Variants in BARD1 observed in about 807,000 individuals in gnomAD.
BARD1 encodes the protein BRCA1-associated RING domain protein 1.
BARD1 carries 73 observed loss-of-function variants against 77.0 expected under a neutral mutation model. The ratio of observed to expected loss-of-function variants is 0.95; its 90% confidence interval spans 0.79 to 1.15. BARD1 has a LOEUF of 1.15. Among genes scored for constraint, BARD1 ranks in the 50% most tolerant of loss-of-function variants. The probability of loss-of-function intolerance (pLI) is 0.00; values close to 1 mark genes in which losing one functional copy is unlikely to be tolerated. For missense variants in BARD1, 993 were observed against 938.8 expected (o/e 1.06, Z -0.75); for synonymous variants, 384 against 338.0 (o/e 1.14, Z -1.49).
intron 10 of BARD1, 41 bp downstream of exon 10, chr2:214,730,370 T>C: frequency 2.0e-6 from 3 of 1,530,584 alleles, no homozygotes; most frequent in Middle Eastern, 1.7e-4. Flanking sequence ...TAATAGTATG[T>C]CATAATAAGA....
chr2:214,745,265 T>C, intron 8 of BARD1, 106 bp from the exon 9 acceptor site: 1 of 978,952 alleles, frequency 1.0e-6, no homozygotes, highest in Non-Finnish European at 1.6e-6. Context: ...TATCTGAATC[T>C]TCAAAGGCAA....
intron 2 of BARD1, 116 bp from the exon 3 acceptor site, chr2:214,792,561 T>G: frequency 1.0e-6 from 1 of 955,262 alleles, no homozygotes; most frequent in Non-Finnish European, 1.5e-6. Context: ...CATACAATGG[T>G]CAATTGTAAT....
At chr2:214,762,814 G>C (rs1694021806) in intron 6 of BARD1, among the ~76,000 whole-genome samples, 1 of 152,054 alleles carries the variant, frequency 6.6e-6, no homozygotes, top group Non-Finnish European at 1.5e-5. Context: ...TGGTATTTTT[G>C]AAACAGTACA....
Position 214,801,855 on chromosome 2 carries a change from G to GA in BARD1, c.159-4739_159-4738insT, listed in dbSNP as rs925630376. 4.0e-5 allele frequency among the ~76,000 whole-genome samples: 6 copies of GA among 149,262 alleles called. No homozygotes were observed. The South Asian group carries it at 6.6e-4, about 16-fold the overall frequency. On this transcript the variant is annotated intron_variant, in intron 1 of 10. Coordinates refer to ENST00000260947, the MANE Select transcript of BARD1 (RefSeq NM_000465.4). ...TTGAAAACCAAATATTTGGCGGGGG[G>GA]GGGGGTTGTTTTTGTTTTTTTTAAA...
chr2:214,745,382 T>C (rs1436916903), intron 8 of BARD1, among the ~76,000 whole-genome samples: 2 of 152,368 alleles, frequency 1.3e-5, no homozygotes, highest in Non-Finnish European at 2.9e-5. Flanking sequence ...TAAAGCCATA[T>C]TGGCAAACAC....
intron 9 of BARD1, among the ~76,000 whole-genome samples, chr2:214,744,610 C>A (rs958339337): frequency 1.3e-5 from 2 of 152,038 alleles, no homozygotes; most frequent in African/African-American, 4.8e-5. Context: ...CTAAATGACA[C>A]CATAAATATG....
chr2:214,801,369 G>A (rs1048158540), intron 1 of BARD1, among the ~76,000 whole-genome samples: 2 of 152,066 alleles, frequency 1.3e-5, no homozygotes, highest in African/African-American at 4.8e-5. Context: ...ACAAGAAACT[G>A]ATAATTATAA....
At position 214,745,708 on chromosome 2, in the gene BARD1, T is replaced by C. The variant is rs1693071202; in HGVS notation, c.1810+14A>G. 1 of 1,613,972 alleles carries C rather than the reference T, an allele frequency of 6.2e-7. No individual in the cohort carries two copies. The highest frequency in any genetic ancestry group is 8.5e-7 in the Non-Finnish European group (1 of 1,179,906). ...ATTTTTTCTACCCCACCTCCCAAAATTCAAAATCCTCACCTGTACTGTCAA... is the reference window on the plus strand; with the variant it reads ...ATTTTTTCTACCCCACCTCCCAAAACTCAAAATCCTCACCTGTACTGTCAA... On this transcript the variant is annotated intron_variant, in intron 8 of 10. Coordinates refer to ENST00000260947, the MANE Select transcript of BARD1 (RefSeq NM_000465.4).
intron 6 of BARD1, among the ~76,000 whole-genome samples, chr2:214,767,186 T>C (rs1694242182): frequency 6.6e-6 from 1 of 152,222 alleles, no homozygotes. Flanking sequence ...TAGTATTCCA[T>C]GGTATATATG....
At position 214,781,275 on chromosome 2, in the gene BARD1, G is replaced by A. The variant is rs1254403542; in HGVS notation, c.599C>T (p.Ala200Val). 1.9e-6 allele frequency: 3 copies of A among 1,599,924 alleles called. No homozygotes were observed. The highest frequency in any genetic ancestry group is 2.5e-6 in the Non-Finnish European group (3 of 1,176,590). The change falls in exon 4 of 11, where the codon GCA becomes GTA. Residue 200 changes from alanine to valine, a missense_variant. Physicochemically the swap from Ala to Val is moderately conservative, Grantham distance 64. Transcript: ENST00000260947. ...DVSERAKKASARSGKKQKKKT... is the reference protein window; with the variant it reads ...DVSERAKKASVRSGKKQKKKT... ...CTTTTTTTGCTTTTTTCCAGATCTT[G>A]CAGAAGCCTTTTTAGCCCTCTCAGA...
At chr2:214,734,511 A>G (rs904667636) in intron 9 of BARD1, among the ~76,000 whole-genome samples, 1 of 152,176 alleles carries the variant, frequency 6.6e-6, no homozygotes, top group Non-Finnish European at 1.5e-5. Context: ...TGAGAGCAGT[A>G]TCATTTTATA....
At position 214,767,505 on chromosome 2, in the gene BARD1, G is replaced by A. The variant is rs777715537; in HGVS notation, c.1545C>T (p.Ser515=). ...GHVDIVKLLL[S]YGASRNAVNI... ...ACACAGCATTTCTGGAGGCTCCATA[G>A]GAAAGTAACAGCTTGACTATATCCA... is the stretch of plus-strand genomic sequence containing the variant. The change falls in exon 6 of 11, where the codon TCC becomes TCT. Residue 515 remains serine, a synonymous_variant. Coordinates refer to ENST00000260947, the MANE Select transcript of BARD1 (RefSeq NM_000465.4). 1.2e-6 allele frequency: 2 copies of A among 1,613,828 alleles called. No individual in the cohort carries two copies. The highest frequency in any genetic ancestry group is 1.1e-5 in the South Asian group (1 of 91,078).
At chr2:214,780,448 T>A (rs923208885) in intron 4 of BARD1, 112 bp downstream of exon 4, 1 of 914,450 alleles carries the variant, frequency 1.1e-6, no homozygotes, top group Admixed American at 2.0e-5. Context: ...AAGTATCATG[T>A]CTGTGAAAGG....
Position 214,792,247 on chromosome 2 carries a change from T to A in BARD1, c.364+50A>T, listed in dbSNP as rs754458361. 6 of 1,548,106 alleles carry A rather than the reference T, an allele frequency of 3.9e-6. No individual in the cohort carries two copies. In the South Asian group the frequency reaches 4.5e-5, roughly 12 times the overall value. On this transcript the variant is annotated intron_variant, in intron 3 of 10. Transcript: ENST00000260947. ...TATATACTTTATGAATATGAATTCA[T>A]CAGTTTTTAACTGATGAATTTAACT...
intron 1 of BARD1, among the ~76,000 whole-genome samples, chr2:214,800,584 G>C (rs1695972754): frequency 6.6e-6 from 1 of 151,980 alleles, no homozygotes; most frequent in South Asian, 2.1e-4. Flanking sequence ...ATTACAACTA[G>C]GAGATACCTA....
At chr2:214,768,314 A>T (rs1213397919) in intron 5 of BARD1, among the ~76,000 whole-genome samples, 2 of 152,224 alleles carry the variant, frequency 1.3e-5, no homozygotes, top group Non-Finnish European at 2.9e-5. Flanking sequence ...ATTTCAATTC[A>T]TAATAAGTGA....
chr2:214,773,607 T>C (rs1694609989), intron 4 of BARD1, among the ~76,000 whole-genome samples: 1 of 151,094 alleles, frequency 6.6e-6, no homozygotes, highest in Non-Finnish European at 1.5e-5. Context: ...TACTGTAGTC[T>C]ACTAAGTGTG....
Position 214,753,248 on chromosome 2 carries a change from A to G in BARD1, c.1569-693T>C, listed in dbSNP as rs559672441. On this transcript the variant is annotated intron_variant, in intron 6 of 10. Coordinates refer to ENST00000260947, the MANE Select transcript of BARD1 (RefSeq NM_000465.4). ...GTTCCAATGGCTTAACTAAGGTCAT[A>G]TTCTCCTTGTTCAATTTCACTGAAA... Among the ~76,000 whole-genome samples, 13 of 152,282 alleles carry G rather than the reference A, an allele frequency of 8.5e-5. No homozygotes were observed. In the South Asian group the frequency reaches 2.7e-3, roughly 32 times the overall value.
At chr2:214,806,205 C>A (rs1013281481) in intron 1 of BARD1, among the ~76,000 whole-genome samples, 2 of 152,176 alleles carry the variant, frequency 1.3e-5, no homozygotes, top group African/African-American at 4.8e-5. Context: ...TCCACCCTCA[C>A]CAGCAAGTAA....
Sources: gnomAD v4.1 joint callset for allele counts (sites outside exome capture counted in the v4.1 genomes callset) on GRCh38, gnomAD v4.1.1 for gene constraint, MANE v1.5 for transcripts, NCBI Gene and HGNC (gene_info 2026-07-23, HGNC 2026-07-21) for gene names.